CACNG6: variants seen among roughly 807,000 people sequenced by gnomAD.
CACNG6 encodes the protein calcium voltage-gated channel auxiliary subunit gamma 6, also known as voltage-dependent calcium channel gamma-6 subunit.
Under a neutral mutation model 23.9 loss-of-function variants are expected in CACNG6, and 21 were observed. The observed-to-expected ratio is 0.88, with a 90% CI of 0.62 to 1.26. The LOEUF (loss-of-function observed/expected upper bound fraction) is 1.26, where lower values mean the gene tolerates loss of function less well. Among genes scored for constraint, CACNG6 ranks in the 50% most tolerant of loss-of-function variants. The pLI, the probability that CACNG6 is intolerant of heterozygous loss-of-function variation, is 0.00. For missense variants in CACNG6, 340 were observed against 352.9 expected (o/e 0.96, Z 0.29); for synonymous variants, 182 against 168.9 (o/e 1.08, Z -0.60).
chr19:54,012,085 G>T lies in CACNG6; in HGVS notation c.679G>T (p.Ala227Ser), dbSNP rs761682241. 2 of 1,583,828 alleles carry T rather than the reference G, an allele frequency of 1.3e-6. No individual in the cohort carries two copies. Among genetic ancestry groups the T allele is most frequent in the South Asian group, 2.3e-5 (2 of 87,432 alleles). Residue 227 changes from alanine (A) to serine (S), a missense_variant, in exon 4 of 4, where the codon GCC becomes TCC. Transcript: ENST00000252729. The stretch of plus-strand genomic sequence containing the variant: ...CTGGTCCCTGGGCTGCGGCGTGGGG[G>T]CCGGCCTGATCCTGCTGTTGGGGGC... Reference protein sequence around the residue: ...YSWSLGCGVGAGLILLLGAGC... With the variant: ...YSWSLGCGVGSGLILLLGAGC...
chr19:54,003,745 G>A (rs985200882), intron 3 of CACNG6, among the ~76,000 whole-genome samples: 3 of 152,086 alleles, frequency 2.0e-5, no homozygotes, highest in East Asian at 1.9e-4. Context: ...TCCAAGCCAC[G>A]GCTATATTTC....
chr19:53,999,892 G>A (rs2069558742), intron 3 of CACNG6, 121 bp downstream of exon 3: 8 of 1,246,092 alleles, frequency 6.4e-6, no homozygotes, highest in Non-Finnish European at 8.9e-6. Context: ...GAATCTCTAT[G>A]CACTGTTGCA....
At position 53,999,698 on chromosome 19, in the gene CACNG6, C is replaced by G; in HGVS notation, c.471C>G (p.Leu157=). 6.2e-7 allele frequency: 1 copy of G among 1,614,026 alleles called. No individual in the cohort carries two copies. The highest frequency in any genetic ancestry group is 2.2e-5 in the East Asian group (1 of 44,868). The change falls in exon 3 of 4, where the codon CTC becomes CTG. Residue 157 remains leucine, a synonymous_variant. Coordinates refer to ENST00000252729, the MANE Select transcript of CACNG6 (RefSeq NM_145814.2). ...LGLAVMALGC[L]CIIMVLSKGA... is the part of the protein sequence containing the mutation. The stretch of plus-strand genomic sequence containing the variant: ...TGGCAGTCATGGCCTTGGGGTGCCT[C>G]TGTATCATCATGGTGCTCAGTAAAG...
chr19:53,999,418 T>G (rs2069552912), intron 2 of CACNG6, among the ~76,000 whole-genome samples: 2 of 152,186 alleles, frequency 1.3e-5, no homozygotes, highest in African/African-American at 4.8e-5. Context: ...GGCCCTCTCC[T>G]CCCTTTGCTC....
At chr19:54,002,178 C>G (rs35745952) in intron 3 of CACNG6, among the ~76,000 whole-genome samples, 8,106 of 151,944 alleles carry the variant, frequency 0.053, 394 homozygotes, top group East Asian at 0.18. Flanking sequence ...ACTTCGACTT[C>G]CAAGGCTCAA....
intron 3 of CACNG6, among the ~76,000 whole-genome samples, chr19:54,004,028 A>C (rs141161653): frequency 5.8e-4 from 88 of 152,108 alleles, no homozygotes; most frequent in African/African-American, 2.0e-3. Flanking sequence ...GCTAATTTTT[A>C]AAATTATTTG....
intron 3 of CACNG6, among the ~76,000 whole-genome samples, chr19:54,006,213 A>G (rs1197916525): frequency 6.6e-6 from 1 of 151,850 alleles, no homozygotes; most frequent in Non-Finnish European, 1.5e-5. Flanking sequence ...TTCTCTGCTT[A>G]TTTATGCCCG....
At position 53,999,646 on chromosome 19, in the gene CACNG6, C is replaced by T. The variant is rs1008631687; in HGVS notation, c.419C>T (p.Ala140Val). The T allele has an allele frequency of 1.2e-6, 2 of 1,613,490 alleles. No individual in the cohort carries two copies. The highest frequency in any genetic ancestry group is 1.7e-6 in the Non-Finnish European group (2 of 1,179,940). ...CTCCTGCTGGCAGAGGTGAATCTGG[C>T]AGCTGCGGTGATAGCAGTGCTGGGC... ...QRTTKKEVNL[A>V]AAVIAVLGLA... Residue 140 changes from alanine (A) to valine (V), a missense_variant, in exon 3 of 4, where the codon GCA becomes GTA. Transcript: ENST00000252729.
chr19:54,001,101 C>T (rs563915344), intron 3 of CACNG6, among the ~76,000 whole-genome samples: 3 of 152,126 alleles, frequency 2.0e-5, no homozygotes, highest in African/African-American at 7.2e-5. Flanking sequence ...CCAAGCTGTG[C>T]CCTGAATCAC....
chr19:54,011,285 A>C (rs1486435195), intron 3 of CACNG6, among the ~76,000 whole-genome samples: 4 of 146,564 alleles, frequency 2.7e-5, no homozygotes, highest in Non-Finnish European at 1.5e-5. Context: ...GTGTAATCCC[A>C]GCCACTCAGG....
In CACNG6 at chr19:54,003,533, G is replaced by A. The variant is rs569812483; in HGVS notation, c.544+3762G>A. 9.9e-4 allele frequency among the ~76,000 whole-genome samples: 150 copies of A among 152,056 alleles called. 2 individuals carry two copies. Among genetic ancestry groups the A allele is most frequent in the African/African-American group, 3.3e-3 (137 of 41,476 alleles). ...CTGCCACCACACCTGGCTAAGTTTTGTATTTTTAATAGAGACTGGGTTTCT... is the reference window on the plus strand; with the variant it reads ...CTGCCACCACACCTGGCTAAGTTTTATATTTTTAATAGAGACTGGGTTTCT... On this transcript the variant is annotated intron_variant, in intron 3 of 3. Coordinates refer to ENST00000252729, the MANE Select transcript of CACNG6 (RefSeq NM_145814.2).
intron 3 of CACNG6, 35 bp from the exon 4 acceptor site, chr19:54,011,916 G>C (rs1278966913): frequency 7.2e-7 from 1 of 1,394,384 alleles, no homozygotes; most frequent in Non-Finnish European, 9.5e-7. Context: ...CTGGGGTCGC[G>C]GGCGTCTGAC....
intron 3 of CACNG6, among the ~76,000 whole-genome samples, chr19:54,009,722 C>T (rs1322641860): frequency 6.6e-6 from 1 of 151,612 alleles, no homozygotes; most frequent in Non-Finnish European, 1.5e-5. Context: ...AATATATAAG[C>T]TCCACGAGGG....
chr19:54,001,212 G>T (rs2069572059), intron 3 of CACNG6, among the ~76,000 whole-genome samples: 1 of 148,062 alleles, frequency 6.8e-6, no homozygotes, highest in African/African-American at 2.5e-5. Context: ...TTTTGAGACA[G>T]AGTTTCGCTC....
chr19:53,995,241 A>G (rs986919661), intron 1 of CACNG6, among the ~76,000 whole-genome samples: 3 of 152,100 alleles, frequency 2.0e-5, no homozygotes, highest in African/African-American at 7.2e-5. Flanking sequence ...ACCGCATTGT[A>G]TGGGGTTCCT....
chr19:53,998,015 G>A (rs112431853), intron 1 of CACNG6, among the ~76,000 whole-genome samples: 1 of 152,066 alleles, frequency 6.6e-6, no homozygotes, highest in Non-Finnish European at 1.5e-5. Context: ...GCGCACTTGG[G>A]GCCACAGGTC....
chr19:54,002,274 TG>T (rs61612755), intron 3 of CACNG6, among the ~76,000 whole-genome samples: 4,149 of 136,042 alleles, frequency 0.03, 403 homozygotes, highest in African/African-American at 0.11. Context: ...TCGGTTTTTT[TG>T]TTTTTTTTGT....
In CACNG6 at chr19:53,993,140, C is replaced by T; in HGVS notation, c.263C>T (p.Thr88Ile). 6.5e-7 allele frequency: 1 copy of T among 1,548,218 alleles called. No homozygotes were observed. Among genetic ancestry groups the T allele is most frequent in the South Asian group, 1.2e-5 (1 of 84,000 alleles). ...CACCTGGGGCTGTGGAAGGCGTGCACCAAGCGGCTGTGGCAGGCGGACGTG... is the reference window on the plus strand; with the variant it reads ...CACCTGGGGCTGTGGAAGGCGTGCATCAAGCGGCTGTGGCAGGCGGACGTG... ...AAHLGLWKAC[T>I]KRLWQADVPV... The change falls in exon 1 of 4, where the codon ACC (threonine) becomes ATC (isoleucine). Residue 88 changes from threonine to isoleucine, a missense_variant. Thr to Ile is a moderately conservative substitution (Grantham distance 89). Transcript: ENST00000252729.
chr19:54,011,205 A>AAAAAAAAAT (rs58054808), intron 3 of CACNG6, among the ~76,000 whole-genome samples: 2 of 102,544 alleles, frequency 2.0e-5, no homozygotes, highest in African/African-American at 9.9e-5. Flanking sequence ...AAAAAAAAAA[A>AAAAAAAAAT]ATATATATAT....
Sources: allele counts gnomAD v4.1 joint callset (sites outside exome capture counted in the v4.1 genomes callset), GRCh38; gene constraint gnomAD v4.1.1; transcripts MANE v1.5; gene names NCBI Gene and HGNC (gene_info 2026-07-23, HGNC 2026-07-21).